Variants in CRIPT observed in about 807,000 individuals in gnomAD.
The protein encoded by CRIPT is CXXC repeat containing interactor of PDZ3 domain.
Under a neutral mutation model 16.6 loss-of-function variants are expected in CRIPT, and 20 were observed. The observed-to-expected ratio is 1.20, with a 90% CI of 0.85 to 1.75. The LOEUF (loss-of-function observed/expected upper bound fraction) is 1.75. CRIPT is among the 40% of genes most tolerant of loss of function. CRIPT has a pLI of 0.00. For synonymous variants in CRIPT, 42 were observed against 37.0 expected (o/e 1.14, Z -0.49); for missense variants, 133 against 115.3 (o/e 1.15, Z -0.70).
At position 46,628,935 on chromosome 2, in the gene CRIPT, C is replaced by T. The variant is rs1311785122; in HGVS notation, c.*4708C>T. 6.6e-6 allele frequency among the ~76,000 whole-genome samples: 1 copy of T among 152,044 alleles called. No individual in the cohort carries two copies. Among genetic ancestry groups the T allele is most frequent in the Non-Finnish European group, 1.5e-5 (1 of 68,000 alleles). Reference sequence around the variant, plus strand: ...TAAAAACAAGGAATTAAAGCCAAACCTAACTTTTATCAAAATAAATGTAAA... The same window carrying T: ...TAAAAACAAGGAATTAAAGCCAAACTTAACTTTTATCAAAATAAATGTAAA... On this transcript the variant is annotated 3_prime_UTR_variant, in exon 5 of 5. Coordinates refer to ENST00000238892, the MANE Select transcript of CRIPT (RefSeq NM_014171.6).
At chr2:46,617,914 C>T (rs1335466288) in intron 1 of CRIPT, among the ~76,000 whole-genome samples, 1 of 151,900 alleles carries the variant, frequency 6.6e-6, no homozygotes, top group Non-Finnish European at 1.5e-5. Flanking sequence ...ATTTTTCCAG[C>T]TTCATCTTCA....
rs1414258540 is a variant in CRIPT, at chr2:46,618,168, A to C, written c.17-605A>C. Among the ~76,000 whole-genome samples the C allele has an allele frequency of 2.0e-5, 3 of 151,400 alleles. 1 individual carries two copies. Among genetic ancestry groups the C allele is most frequent in the African/African-American group, 7.3e-5 (3 of 41,114 alleles). ...TTTCTTCCTGCATGGAATTTCTTCT[A>C]GTACTTTAGCTGTCGATTATTATAC... is the stretch of plus-strand genomic sequence containing the variant. On this transcript the variant is annotated intron_variant, in intron 1 of 4. Transcript: ENST00000238892.
chr2:46,628,631 C>A lies in CRIPT; in HGVS notation c.*4404C>A, dbSNP rs1671000229. Among the ~76,000 whole-genome samples the A allele has an allele frequency of 6.6e-6, 1 of 152,194 alleles. No homozygotes were observed. The highest frequency in any genetic ancestry group is 1.5e-5 in the Non-Finnish European group (1 of 68,046). On this transcript the variant is annotated 3_prime_UTR_variant, in exon 5 of 5. Coordinates refer to ENST00000238892, the MANE Select transcript of CRIPT (RefSeq NM_014171.6). ...TTATCTTCATACTTTGAGTAGCCTC[C>A]TTCCATGAATGGATCATCCAGTGGC...
rs148578036 is a variant in CRIPT, at chr2:46,620,306, G to T, written c.137+625G>T. Among the ~76,000 whole-genome samples, 655 of 152,218 alleles carry T rather than the reference G, an allele frequency of 4.3e-3. 7 individuals are homozygous for T. The highest frequency in any genetic ancestry group is 0.015 in the African/African-American group (628 of 41,520). ...TACAAAGGACAGAAAAATTAACTGGGTGTGGCAGCACGCGCCTGTAGTCCC... is the reference window on the plus strand; with the variant it reads ...TACAAAGGACAGAAAAATTAACTGGTTGTGGCAGCACGCGCCTGTAGTCCC... On this transcript the variant is annotated intron_variant, in intron 3 of 4. Coordinates refer to ENST00000238892, the MANE Select transcript of CRIPT (RefSeq NM_014171.6).
At chr2:46,621,009 C>T (rs1464692634) in intron 3 of CRIPT, among the ~76,000 whole-genome samples, 4 of 152,074 alleles carry the variant, frequency 2.6e-5, no homozygotes, top group Admixed American at 2.6e-4. Context: ...AACCTGAAAC[C>T]ACCTGCTTCT....
In CRIPT at chr2:46,625,545, C is replaced by T. The variant is rs1670918727; in HGVS notation, c.*1318C>T. ...CTGCAGTATGTATAAATACATATCA[C>T]TACAAAATGTATAGAAAGTGTGATG... is the stretch of plus-strand genomic sequence containing the variant. On this transcript the variant is annotated 3_prime_UTR_variant, in exon 5 of 5. Transcript: ENST00000238892. 6.6e-6 allele frequency: 1 copy of T among 151,924 alleles called. No homozygotes were observed. The highest frequency in any genetic ancestry group is 2.1e-4 in the South Asian group (1 of 4,832). 9.4% of individuals were successfully genotyped at this position (151,924 alleles called of 1,614,324 possible). A position where few individuals can be genotyped will look rare whatever the true frequency, so the allele number is the denominator to read the frequency against.
chr2:46,620,578 C>G (rs1670776843), intron 3 of CRIPT, among the ~76,000 whole-genome samples: 1 of 151,808 alleles, frequency 6.6e-6, no homozygotes, highest in South Asian at 2.1e-4. Flanking sequence ...CCTTCAGCCA[C>G]TCTAGTCATG....
chr2:46,618,319 T>C (rs556304187), intron 1 of CRIPT, among the ~76,000 whole-genome samples: 4 of 152,076 alleles, frequency 2.6e-5, no homozygotes, highest in African/African-American at 9.6e-5. Context: ...ATATAAAAGG[T>C]TTGTGTACAA....
At chr2:46,621,067 C>T (rs375152230) in intron 3 of CRIPT, among the ~76,000 whole-genome samples, 28 of 152,312 alleles carry the variant, frequency 1.8e-4, no homozygotes, top group African/African-American at 6.7e-4. Flanking sequence ...TTATTTCTTA[C>T]TTGGAACTGT....
Position 46,629,653 on chromosome 2 carries a change from A to C in CRIPT, c.*5426A>C, listed in dbSNP as rs2104186023. Among the ~76,000 whole-genome samples, 1 of 152,350 alleles carries C rather than the reference A, an allele frequency of 6.6e-6. No individual in the cohort carries two copies. Among genetic ancestry groups the C allele is most frequent in the East Asian group, 1.9e-4 (1 of 5,192 alleles). Reference sequence around the variant, plus strand: ...TTGGGGTAGTGCAGTGAGGGTTGAAATGCTGTAAGTGATATGTATTGCAGG... The same window carrying C: ...TTGGGGTAGTGCAGTGAGGGTTGAACTGCTGTAAGTGATATGTATTGCAGG... On this transcript the variant is annotated 3_prime_UTR_variant, in exon 5 of 5. Coordinates refer to ENST00000238892, the MANE Select transcript of CRIPT (RefSeq NM_014171.6).
chr2:46,617,438 G>C, intron 1 of CRIPT, 140 bp downstream of exon 1: 2 of 953,760 alleles, frequency 2.1e-6, no homozygotes, highest in East Asian at 5.3e-5. Context: ...CCTACCCTTT[G>C]ACCATTTTTG....
chr2:46,619,730 T>C (rs750797679), intron 3 of CRIPT, 49 bp downstream of exon 3: 8 of 1,411,506 alleles, frequency 5.7e-6, no homozygotes, highest in Non-Finnish European at 4.0e-6. Context: ...CTTCTTTTAG[T>C]ATTAAGTCTG....
In CRIPT at chr2:46,624,893, C is replaced by T. The variant is rs1460376922; in HGVS notation, c.*666C>T. 1 of 151,402 alleles carries T rather than the reference C, an allele frequency of 6.6e-6. No individual in the cohort carries two copies. The highest frequency in any genetic ancestry group is 1.5e-5 in the Non-Finnish European group (1 of 67,954). The allele number at this position is 151,402 out of a possible 1,614,324, so 9.4% of individuals were successfully genotyped here. A position where few individuals can be genotyped will look rare whatever the true frequency, so the allele number is the denominator to read the frequency against. ...ACATATTACTTTGAATTCAAATTGT[C>T]ATGAAAACCAGAACAGTGTTTGTCC... On this transcript the variant is annotated 3_prime_UTR_variant, in exon 5 of 5. Transcript: ENST00000238892.
intron 3 of CRIPT, 38 bp downstream of exon 3, chr2:46,619,719 C>T: frequency 6.5e-7 from 1 of 1,527,350 alleles, no homozygotes; most frequent in South Asian, 1.2e-5. Context: ...ACATAAATTT[C>T]CTTCTTTTAG....
rs201316537 is a variant in CRIPT at position 46,625,067 on chromosome 2, G to GTTTTTTT, written c.*843_*844insTTTTTTT. The GTTTTTTT allele has an allele frequency of 1.1e-5, 1 of 91,650 alleles. No homozygotes were observed. The highest frequency in any genetic ancestry group is 5.6e-5 in the African/African-American group (1 of 17,782). The allele number at this position is 91,650 out of a possible 1,614,324, so 5.7% of individuals were successfully genotyped here. ...TCTTGACTCTCCCTTTTTAAAATTT[G>GTTTTTTT]TTTGTTTTTTTTTTTTTTTTTTGGA... is the stretch of plus-strand genomic sequence containing the variant. On this transcript the variant is annotated 3_prime_UTR_variant, in exon 5 of 5. Transcript: ENST00000238892.
At position 46,619,673 on chromosome 2, in the gene CRIPT, A is replaced by G; in HGVS notation, c.129A>G (p.Lys43=). 1 of 1,611,940 alleles carries G rather than the reference A, an allele frequency of 6.2e-7. No homozygotes were observed. The highest frequency in any genetic ancestry group is 8.5e-7 in the Non-Finnish European group (1 of 1,178,876). ...KLNENKALTS[K]KARFDPYGKN... ...ATGAAAATAAAGCTTTGACTTCAAAAAAAGCAAGGTGGGTAAGAGGATCCA... is the reference window on the plus strand; with the variant it reads ...ATGAAAATAAAGCTTTGACTTCAAAGAAAGCAAGGTGGGTAAGAGGATCCA... Residue 43 remains lysine, a synonymous_variant, in exon 3 of 5, where the codon AAA becomes AAG. Coordinates refer to ENST00000238892, the MANE Select transcript of CRIPT (RefSeq NM_014171.6).
At chr2:46,619,915 G>A (rs750537643) in intron 3 of CRIPT, among the ~76,000 whole-genome samples, 1 of 152,124 alleles carries the variant, frequency 6.6e-6, no homozygotes, top group African/African-American at 2.4e-5. Context: ...CAGAAAACAT[G>A]ACTTTTATTT....
Position 46,627,964 on chromosome 2 carries a change from G to A in CRIPT, c.*3737G>A, listed in dbSNP as rs1484386712. Among the ~76,000 whole-genome samples, 1 of 151,806 alleles carries A rather than the reference G, an allele frequency of 6.6e-6. No individual in the cohort carries two copies. The highest frequency in any genetic ancestry group is 2.4e-5 in the African/African-American group (1 of 41,292). On this transcript the variant is annotated 3_prime_UTR_variant, in exon 5 of 5. Transcript: ENST00000238892. ...GTCTGTTCCATTCCATTGGTCTATGGGTCTGTTTTTATATCTGTACCATGC... is the reference window on the plus strand; with the variant it reads ...GTCTGTTCCATTCCATTGGTCTATGAGTCTGTTTTTATATCTGTACCATGC...
chr2:46,620,097 G>T (rs1670763982), intron 3 of CRIPT, among the ~76,000 whole-genome samples: 1 of 152,092 alleles, frequency 6.6e-6, no homozygotes, highest in Admixed American at 6.5e-5. Flanking sequence ...CCTGAGAATT[G>T]CGTAAAAAGT....
Sources: gnomAD v4.1 joint callset for allele counts (sites outside exome capture counted in the v4.1 genomes callset) on GRCh38, gnomAD v4.1.1 for gene constraint, MANE v1.5 for transcripts, NCBI Gene and HGNC (gene_info 2026-07-23, HGNC 2026-07-21) for gene names.